The following USP24 variants were observed in gnomAD, a reference collection of about 807,000 sequenced individuals.
USP24 encodes the protein ubiquitin carboxyl-terminal hydrolase 24.
USP24 carries 97 observed loss-of-function variants against 361.6 expected under a neutral mutation model. The ratio of observed to expected loss-of-function variants is 0.27; its 90% CI spans 0.23 to 0.32. The LOEUF (loss-of-function observed/expected upper bound fraction) is 0.32. USP24 is among the 10% of genes least tolerant of loss of function. USP24 has a pLI of 1.00. For missense variants in USP24, 2,353 were observed against 3,165.6 expected, an observed-to-expected ratio of 0.74 and a Z score of 6.16; for synonymous variants, 1,098 against 1,124.6, an observed-to-expected ratio of 0.98 and a Z score of 0.47.
intron 20 of USP24, 146 bp from the exon 21 acceptor site, chr1:55,144,349 G>A: frequency 2.1e-6 from 1 of 473,798 alleles, no homozygotes; most frequent in Admixed American, 4.2e-5. Context: ...AGCAACAAAA[G>A]AAAATATTAG....
intron 1 of USP24, among the ~76,000 whole-genome samples, chr1:55,188,964 CAAAAAAAAAAA>C (rs533085761): frequency 1.2e-4 from 9 of 74,392 alleles, no homozygotes; most frequent in African/African-American, 2.1e-4. Flanking sequence ...AACTCCATCT[CAAAAAAAAAAA>C]AAAAAAAAAA....
chr1:55,120,345 G>A (rs886122516), intron 38 of USP24, among the ~76,000 whole-genome samples: 1 of 152,108 alleles, frequency 6.6e-6, no homozygotes, highest in Non-Finnish European at 1.5e-5. Context: ...CCAATCAGGT[G>A]AGCTCCTTTT....
At position 55,097,660 on chromosome 1, in the gene USP24, G is replaced by A. The variant is rs1476812424; in HGVS notation, c.5653C>T (p.Leu1885=). ...KSLPSVLVIH[L]MRFGFDWESG... ...TCCCAGTCAAACCCAAATCTCATTA[G>A]GTGAATTACCAAGACGCTAGGTAAA... Residue 1885 remains leucine (L), a synonymous_variant, in exon 48 of 68, where the codon CTA becomes TTA. Coordinates refer to ENST00000294383, the MANE Select transcript of USP24 (RefSeq NM_015306.3). 1 of 1,590,668 alleles carries A rather than the reference G, an allele frequency of 6.3e-7. No homozygotes were observed. Among genetic ancestry groups the A allele is most frequent in the Non-Finnish European group, 8.6e-7 (1 of 1,167,408 alleles).
At chr1:55,114,876 T>G (rs1369156823) in intron 38 of USP24, among the ~76,000 whole-genome samples, 2 of 152,114 alleles carry the variant, frequency 1.3e-5, no homozygotes. Context: ...ATGGCAATTA[T>G]ATCCCGAAAT....
chr1:55,140,595 G>A (rs1410129062), intron 24 of USP24, among the ~76,000 whole-genome samples: 2 of 152,118 alleles, frequency 1.3e-5, no homozygotes, highest in African/African-American at 4.8e-5. Flanking sequence ...AAGAATGGAA[G>A]AAAGGACTCA....
At chr1:55,142,882 AT>A in intron 22 of USP24, 87 bp from the exon 23 acceptor site, 1 of 1,423,382 alleles carries the variant, frequency 7.0e-7, no homozygotes, top group Admixed American at 2.6e-5. Context: ...AAAGAAGCCA[AT>A]TTTTGGTCAT....
intron 42 of USP24, among the ~76,000 whole-genome samples, chr1:55,103,520 A>G (rs1645693418): frequency 6.6e-6 from 1 of 152,214 alleles, no homozygotes; most frequent in Non-Finnish European, 1.5e-5. Context: ...TTAACTGCAC[A>G]TAGGCTGTAC....
chr1:55,133,623 T>A (rs1317604285), intron 30 of USP24, among the ~76,000 whole-genome samples: 1 of 146,038 alleles, frequency 6.8e-6, no homozygotes, highest in Non-Finnish European at 1.5e-5. Flanking sequence ...ATAGCAAAGG[T>A]ATTTCTCTCT....
chr1:55,139,363 T>C (rs1002084162), intron 24 of USP24, among the ~76,000 whole-genome samples: 2 of 152,202 alleles, frequency 1.3e-5, no homozygotes, highest in Non-Finnish European at 2.9e-5. Context: ...CTTTATCTTA[T>C]AACTAAAATA....
chr1:55,198,402 G>T (rs568747224), intron 1 of USP24, among the ~76,000 whole-genome samples: 1 of 152,296 alleles, frequency 6.6e-6, no homozygotes, highest in East Asian at 1.9e-4. Context: ...AGGCATTTCC[G>T]TTTTTGTGTG....
chr1:55,097,755 G>C (rs1645531282), intron 47 of USP24, 38 bp from the exon 48 acceptor site: 1 of 1,518,826 alleles, frequency 6.6e-7, no homozygotes, highest in Admixed American at 2.5e-5. Flanking sequence ...AAATCTGAAT[G>C]ATCTCCATGG....
Position 55,121,510 on chromosome 1 carries a change from A to T in USP24, c.4277-4T>A. 2.8e-5 allele frequency: 45 copies of T among 1,612,564 alleles called. No individual in the cohort carries two copies. Among genetic ancestry groups the T allele is most frequent in the Non-Finnish European group, 3.8e-5 (45 of 1,179,184 alleles). ...CAGGGCAAGTTATAGAAAGATGCTA[A>T]TAAGAAGAAATGGGGGATGTGGGTG... On this transcript the variant is annotated splice_polypyrimidine_tract_variant and splice_region_variant and intron_variant, in intron 36 of 67. Coordinates refer to ENST00000294383, the MANE Select transcript of USP24 (RefSeq NM_015306.3).
chr1:55,200,455 T>C (rs1644540540), intron 1 of USP24, among the ~76,000 whole-genome samples: 1 of 152,176 alleles, frequency 6.6e-6, no homozygotes, highest in African/African-American at 2.4e-5. Flanking sequence ...CCAAAGACAT[T>C]CAATAGATTG....
In USP24 at chr1:55,097,052, T is replaced by A; in HGVS notation, c.5836A>T (p.Lys1946Ter). The change falls in exon 49 of 68, where the codon AAA (lysine) becomes TAA (stop). Residue 1946 changes from lysine (K) to a stop codon, truncating the protein, a stop_gained. Transcript: ENST00000294383. LOFTEE classifies it high-confidence loss of function. ...VDQGGGGSPR[K>*]KVALTENYEL... ...TAGTTTTCTGTGAGGGCAACCTTTT[T>A]TCGTGGGGATCCTCCACCGCCCTGA... 6.2e-7 allele frequency: 1 copy of A among 1,613,908 alleles called. No homozygotes were observed. Among genetic ancestry groups the A allele is most frequent in the Non-Finnish European group, 8.5e-7 (1 of 1,179,874 alleles).
chr1:55,213,475 T>G (rs760325168), intron 1 of USP24, among the ~76,000 whole-genome samples: 8 of 152,180 alleles, frequency 5.3e-5, no homozygotes, highest in Non-Finnish European at 1.0e-4. Context: ...AAGCATACAA[T>G]TAAAAGGATA....
At chr1:55,110,353 G>T in intron 38 of USP24, 107 bp from the exon 39 acceptor site, 1 of 935,126 alleles carries the variant, frequency 1.1e-6, no homozygotes, top group Non-Finnish European at 1.5e-6. Flanking sequence ...GATAATTTTG[G>T]TAAGCATAAC....
intron 59 of USP24, among the ~76,000 whole-genome samples, chr1:55,080,003 C>A (rs1645117266): frequency 6.6e-6 from 1 of 152,136 alleles, no homozygotes; most frequent in Admixed American, 6.5e-5. Context: ...TAGTGATTCC[C>A]ACTCCATAAT....
rs1645467972 is a variant in USP24, at chr1:55,095,162, C to T, written c.6203+93G>A. On this transcript the variant is annotated intron_variant, in intron 51 of 67. Coordinates refer to ENST00000294383, the MANE Select transcript of USP24 (RefSeq NM_015306.3). Reference sequence around the variant, plus strand: ...TTTTTAGAATTTCTCTCCAGCTTAGCTAATTATCTTTAAAATCTCAAATAG... The same window carrying T: ...TTTTTAGAATTTCTCTCCAGCTTAGTTAATTATCTTTAAAATCTCAAATAG... The T allele has an allele frequency of 5.2e-6, 7 of 1,340,802 alleles. No homozygotes were observed. The South Asian group carries it at 1.2e-4, about 23-fold the overall frequency. The allele number at this position is 1,340,802 out of a possible 1,614,324, so 83.1% of individuals were successfully genotyped here.
Position 55,214,810 on chromosome 1 carries a change from G to C in USP24, c.304C>G (p.His102Asp). Residue 102 changes from histidine (H) to aspartate (D), a missense_variant, in exon 1 of 68, where the codon CAC (histidine) becomes GAC (aspartate). His to Asp is a moderately conservative substitution (Grantham distance 81, BLOSUM62 -1). Coordinates refer to ENST00000294383, the MANE Select transcript of USP24 (RefSeq NM_015306.3). ...GGGFDPPPAY[H>D]EVVDAEKNDE... is the part of the protein sequence containing the mutation. ...CTCACCTCCGCGTCCACCACCTCGT[G>C]GTAGGCGGGCGGGGGGTCGAAGCCG... 1 of 1,223,512 alleles carries C rather than the reference G, an allele frequency of 8.2e-7. No individual in the cohort carries two copies. The highest frequency in any genetic ancestry group is 4.4e-5 in the Admixed American group (1 of 22,740). 75.8% of individuals were successfully genotyped at this position (1,223,512 alleles called of 1,614,324 possible).
Sources: gnomAD v4.1 joint callset for allele counts (sites outside exome capture counted in the v4.1 genomes callset) on GRCh38, gnomAD v4.1.1 for gene constraint, MANE v1.5 for transcripts, NCBI Gene and HGNC (gene_info 2026-07-23, HGNC 2026-07-21) for gene names.